Variants in ARL8B observed in about 807,000 individuals in gnomAD.
ARL8B encodes the protein ARF like GTPase 8B.
Under a neutral mutation model 30.6 loss-of-function variants are expected in ARL8B, and 9 were observed. The observed-to-expected ratio is 0.29, with a 90% CI of 0.18 to 0.51. ARL8B has a LOEUF of 0.51. Ranked by LOEUF, ARL8B falls within the 20% of genes least tolerant of loss-of-function variation. The pLI, the probability that ARL8B is intolerant of heterozygous loss-of-function variation, is 0.97. For missense variants in ARL8B, 130 were observed against 227.2 expected, an observed-to-expected ratio of 0.57 and a Z score of 2.75; for synonymous variants, 74 against 76.0, an observed-to-expected ratio of 0.97 and a Z score of 0.14.
intron 1 of ARL8B, among the ~76,000 whole-genome samples, chr3:5,166,348 G>GTTTTTTT (rs576653836): frequency 1.0e-5 from 1 of 99,184 alleles, no homozygotes; most frequent in African/African-American, 4.1e-5. Flanking sequence ...GGTATCTTTC[G>GTTTTTTT]TTTTTTTTTT....
At chr3:5,149,834 C>T (rs528129591) in intron 1 of ARL8B, among the ~76,000 whole-genome samples, 4 of 152,300 alleles carry the variant, frequency 2.6e-5, no homozygotes, top group Admixed American at 6.5e-5. Flanking sequence ...CTAATCCCTA[C>T]CACATTTGGT....
Position 5,178,874 on chromosome 3 carries a change from C to T in ARL8B, c.*161C>T, listed in dbSNP as rs1229989754. Reference sequence around the variant, plus strand: ...ACTGCTGAAGATGAATATCCCTAATCCTTCATAAAGAATCAGCTAGAGTTG... The same window carrying T: ...ACTGCTGAAGATGAATATCCCTAATTCTTCATAAAGAATCAGCTAGAGTTG... On this transcript the variant is annotated 3_prime_UTR_variant, in exon 7 of 7. Transcript: ENST00000256496. The T allele has an allele frequency of 3.9e-6, 5 of 1,275,186 alleles. No individual in the cohort carries two copies. Among genetic ancestry groups the T allele is most frequent in the African/African-American group, 1.5e-5 (1 of 66,030 alleles). The allele number at this position is 1,275,186 out of a possible 1,614,324, so 79.0% of individuals were successfully genotyped here.
intron 1 of ARL8B, among the ~76,000 whole-genome samples, chr3:5,148,608 G>A (rs576256937): frequency 6.6e-5 from 10 of 152,048 alleles, no homozygotes; most frequent in African/African-American, 2.4e-4. Context: ...CTTTGAGGGG[G>A]AACATGGGAG....
In ARL8B at chr3:5,172,647, T is replaced by G; in HGVS notation, c.279T>G (p.Val93=). Residue 93 remains valine (V), a splice_region_variant and synonymous_variant, in exon 4 of 7, where the codon GTT becomes GTG. Coordinates refer to ENST00000256496, the MANE Select transcript of ARL8B (RefSeq NM_018184.3). Reference sequence around the variant, plus strand: ...GTTGAGATCACTTCATTTTTTTAAGTTACATGATAGATGCTGCAGATCGTG... The same window carrying G: ...GTTGAGATCACTTCATTTTTTTAAGGTACATGATAGATGCTGCAGATCGTG... ...ERYCRGVNAI[V]YMIDAADREK... 1 of 1,609,264 alleles carries G rather than the reference T, an allele frequency of 6.2e-7. No homozygotes were observed. Among genetic ancestry groups the G allele is most frequent in the Admixed American group, 1.7e-5 (1 of 59,912 alleles).
chr3:5,145,657 T>G (rs2054412784), intron 1 of ARL8B, among the ~76,000 whole-genome samples: 1 of 152,234 alleles, frequency 6.6e-6, no homozygotes, highest in African/African-American at 2.4e-5. Context: ...TTTTAGTTCT[T>G]TCACTGCCTG....
rs909939470 is a variant in ARL8B, at chr3:5,125,807, A to G, written c.123+3219A>G. Among the ~76,000 whole-genome samples, 5 of 152,202 alleles carry G rather than the reference A, an allele frequency of 3.3e-5. No individual in the cohort carries two copies. In the East Asian group the frequency reaches 9.6e-4, roughly 29 times the overall value. ...CTTGGTCTCCCAAAATGCTGGGATT[A>G]CAGGCGTGAGCCACTGTGCCCAGCC... On this transcript the variant is annotated intron_variant, in intron 1 of 6. Transcript: ENST00000256496.
At chr3:5,137,462 G>A (rs56369102) in intron 1 of ARL8B, among the ~76,000 whole-genome samples, 52,311 of 145,238 alleles carry the variant, frequency 0.36, 10,343 homozygotes, top group African/African-American at 0.54. Context: ...TTTTGAGATG[G>A]AGTCTCACTC....
chr3:5,174,221 C>T (rs2054704407), intron 5 of ARL8B, 123 bp from the exon 6 acceptor site: 1 of 1,068,142 alleles, frequency 9.4e-7, no homozygotes. Flanking sequence ...TGAATCCTAA[C>T]ATTTTAGGAT....
At chr3:5,143,258 C>T (rs929704394) in intron 1 of ARL8B, among the ~76,000 whole-genome samples, 11 of 152,128 alleles carry the variant, frequency 7.2e-5, no homozygotes, top group African/African-American at 2.4e-4. Context: ...CGTAGTAGGC[C>T]ATCTCAGCCA....
At chr3:5,165,356 G>C (rs2054614982) in intron 1 of ARL8B, among the ~76,000 whole-genome samples, 1 of 152,150 alleles carries the variant, frequency 6.6e-6, no homozygotes, top group South Asian at 2.1e-4. Flanking sequence ...TTTGAAAAAT[G>C]AGTATTGGTA....
intron 1 of ARL8B, among the ~76,000 whole-genome samples, chr3:5,159,167 G>A (rs1342333535): frequency 6.6e-6 from 1 of 151,948 alleles, no homozygotes; most frequent in Non-Finnish European, 1.5e-5. Context: ...AGACGTGGTA[G>A]TGTGTGCCTG....
At chr3:5,166,348 GTTTTTTTTTTTT>G (rs576653836) in intron 1 of ARL8B, among the ~76,000 whole-genome samples, 1 of 99,184 alleles carries the variant, frequency 1.0e-5, no homozygotes, top group Admixed American at 1.1e-4. Context: ...GGTATCTTTC[GTTTTTTTTTTTT>G]TTTTTTTGGT....
In ARL8B at chr3:5,127,915, C is replaced by A. The variant is rs532347348; in HGVS notation, c.123+5327C>A. 2.5e-4 allele frequency among the ~76,000 whole-genome samples: 34 copies of A among 135,730 alleles called. 1 individual carries two copies. The South Asian group carries it at 7.8e-3, about 31-fold the overall frequency. 89.0% of individuals were successfully genotyped at this position (135,730 alleles called of 152,430 possible). On this transcript the variant is annotated intron_variant, in intron 1 of 6. Transcript: ENST00000256496. ...AAAAAAAAAAAAGCGGAGGGCCAGG[C>A]GCAATGGCTTACGCCTGTAATCCCA...
At chr3:5,126,447 G>T (rs1038856165) in intron 1 of ARL8B, among the ~76,000 whole-genome samples, 1 of 152,118 alleles carries the variant, frequency 6.6e-6, no homozygotes, top group African/African-American at 2.4e-5. Flanking sequence ...TTTTCTTTTT[G>T]TAAAAATCAA....
At chr3:5,130,459 A>C (rs965366811) in intron 1 of ARL8B, among the ~76,000 whole-genome samples, 1 of 151,922 alleles carries the variant, frequency 6.6e-6, no homozygotes, top group Non-Finnish European at 1.5e-5. Flanking sequence ...TAACCCTGAT[A>C]TATTTCAGTA....
chr3:5,176,176 A>G (rs563237437), intron 6 of ARL8B, among the ~76,000 whole-genome samples: 1 of 152,294 alleles, frequency 6.6e-6, no homozygotes, highest in East Asian at 1.9e-4. Flanking sequence ...TAGCTTTTGT[A>G]TTCCAGTCTA....
chr3:5,168,350 C>T (rs2054641587), intron 1 of ARL8B, among the ~76,000 whole-genome samples: 1 of 152,232 alleles, frequency 6.6e-6, no homozygotes, highest in Admixed American at 6.5e-5. Flanking sequence ...GAATTACAAG[C>T]TTGAGCCACT....
chr3:5,161,487 C>G (rs1017256989), intron 1 of ARL8B, among the ~76,000 whole-genome samples: 1 of 152,108 alleles, frequency 6.6e-6, no homozygotes, highest in Non-Finnish European at 1.5e-5. Flanking sequence ...TTGAGTGGGT[C>G]TGTTTGTTTG....
At chr3:5,149,348 C>T (rs2054457780) in intron 1 of ARL8B, among the ~76,000 whole-genome samples, 3 of 152,248 alleles carry the variant, frequency 2.0e-5, no homozygotes, top group South Asian at 4.1e-4. Flanking sequence ...GTGTCTCCCC[C>T]TTGACCGGAG....
Sources: allele counts gnomAD v4.1 joint callset (sites outside exome capture counted in the v4.1 genomes callset), GRCh38; gene constraint gnomAD v4.1.1; transcripts MANE v1.5; gene names NCBI Gene and HGNC (gene_info 2026-07-23, HGNC 2026-07-21).